PPIL3: variants seen among roughly 807,000 people sequenced by gnomAD.
PPIL3 encodes the protein peptidylprolyl isomerase like 3.
In PPIL3, 13 loss-of-function variants were observed where a neutral mutation model predicts 20.9. The observed-to-expected ratio is 0.62, with a 90% confidence interval of 0.40 to 0.99. The LOEUF is 0.99. PPIL3 is among the 50% of genes least tolerant of loss of function. PPIL3 has a pLI of 0.00. For missense variants in PPIL3, 170 were observed against 195.2 expected (o/e 0.87, Z 0.77); for synonymous variants, 71 against 64.4 (o/e 1.10, Z -0.49).
intron 5 of PPIL3, among the ~76,000 whole-genome samples, chr2:200,879,260 A>G (rs570289923): frequency 6.6e-6 from 1 of 152,136 alleles, no homozygotes; most frequent in East Asian, 1.9e-4. Context: ...CTGGGACTAC[A>G]GGCACCCACC....
intron 6 of PPIL3, among the ~76,000 whole-genome samples, chr2:200,876,251 A>C (rs180946414): frequency 1.5e-4 from 23 of 151,992 alleles, no homozygotes; most frequent in Non-Finnish European, 2.5e-4. Context: ...TTGAGGCTGC[A>C]ATGAGCCATG....
At chr2:200,885,317 G>A in intron 3 of PPIL3, 1 of 358,926 alleles carries the variant, frequency 2.8e-6, no homozygotes. Flanking sequence ...GTTGCAGTGA[G>A]CCGAGATCGC....
At chr2:200,888,826 C>A in intron 1 of PPIL3, 130 bp downstream of exon 1, 1 of 437,558 alleles carries the variant, frequency 2.3e-6, no homozygotes, top group Non-Finnish European at 4.8e-6. Flanking sequence ...TTCTTTTACT[C>A]TGACGTTGCA....
chr2:200,888,898 C>T (rs535377249), intron 1 of PPIL3, 58 bp downstream of exon 1: 5 of 471,000 alleles, frequency 1.1e-5, no homozygotes, highest in Non-Finnish European at 2.2e-5. Flanking sequence ...AGTAGCAACA[C>T]AGAACTCAGC....
intron 6 of PPIL3, among the ~76,000 whole-genome samples, chr2:200,872,562 T>C (rs2039346998): frequency 6.6e-6 from 1 of 152,078 alleles, no homozygotes; most frequent in Non-Finnish European, 1.5e-5. Flanking sequence ...CAACCAGCCC[T>C]CCATACTGAA....
intron 5 of PPIL3, among the ~76,000 whole-genome samples, chr2:200,880,598 C>T (rs957795659): frequency 4.6e-5 from 7 of 151,822 alleles, no homozygotes; most frequent in African/African-American, 1.7e-4. Flanking sequence ...GTTGCCCAGG[C>T]TGGTTTCAAA....
At chr2:200,878,210 C>T (rs967711449) in intron 5 of PPIL3, among the ~76,000 whole-genome samples, 5 of 152,028 alleles carry the variant, frequency 3.3e-5, no homozygotes, top group Admixed American at 6.6e-5. Context: ...AAAATAAGCA[C>T]CCATTAACAT....
At chr2:200,888,188 G>GC (rs1047220165) in intron 1 of PPIL3, 19 of 151,800 alleles carry the variant, frequency 1.3e-4, no homozygotes, top group Admixed American at 1.2e-3. Flanking sequence ...GAGCCTCCTT[G>GC]CAAGTCCCCC....
Position 200,889,049 on chromosome 2 carries a change from GT to G in PPIL3, c.-165del, listed in dbSNP as rs1195750565. The G allele has an allele frequency of 2.1e-6, 1 of 471,018 alleles. No homozygotes were observed. The highest frequency in any genetic ancestry group is 4.4e-6 in the Non-Finnish European group (1 of 227,062). The allele number at this position is 471,018 out of a possible 1,614,324, so 29.2% of individuals were successfully genotyped here. On this transcript the variant is annotated 5_prime_UTR_variant, in exon 1 of 7. Transcript: ENST00000392283. ...AGAGGTCTGTTGGTTCAAAATTATA[GT>G]TTCTTTGGGCCAGCGGAAGTTGGGC... is the stretch of plus-strand genomic sequence containing the variant.
At chr2:200,881,561 A>C in intron 4 of PPIL3, 73 bp from the exon 5 acceptor site, 1 of 1,290,600 alleles carries the variant, frequency 7.7e-7, no homozygotes, top group Non-Finnish European at 1.1e-6. Flanking sequence ...CCAAAACTTA[A>C]GGAATACTTT....
chr2:200,883,713 C>T lies in PPIL3; in HGVS notation c.79-1278G>A, dbSNP rs551444554. ...ATGAGGGTAAGGAATGTCTGTTGCT[C>T]ATCACTGTATCTCCAGACTCTGGGG... On this transcript the variant is annotated intron_variant, in intron 3 of 6. Coordinates refer to ENST00000392283, the MANE Select transcript of PPIL3 (RefSeq NM_130906.3). Among the ~76,000 whole-genome samples, 167 of 152,266 alleles carry T rather than the reference C, an allele frequency of 1.1e-3. 1 individual carries two copies. The highest frequency in any genetic ancestry group is 1.9e-3 in the Non-Finnish European group (132 of 68,016).
At chr2:200,885,240 G>T in intron 3 of PPIL3, 1 of 285,152 alleles carries the variant, frequency 3.5e-6, no homozygotes, top group Non-Finnish European at 6.4e-6. Context: ...GCATGGTGGC[G>T]CACGCCTGTA....
intron 5 of PPIL3, among the ~76,000 whole-genome samples, chr2:200,877,270 A>G (rs2039559167): frequency 6.6e-6 from 1 of 152,186 alleles, no homozygotes; most frequent in Non-Finnish European, 1.5e-5. Context: ...AAGACATTCA[A>G]TCTTTACCTT....
At chr2:200,889,168 C>A, upstream of PPIL3, 1 of 398,688 alleles carries the variant, frequency 2.5e-6, no homozygotes, top group Non-Finnish European at 5.0e-6. Flanking sequence ...GCAATTTATC[C>A]CCAACCGGAA....
intron 5 of PPIL3, among the ~76,000 whole-genome samples, chr2:200,879,923 A>T (rs1467515583): frequency 6.6e-6 from 1 of 152,232 alleles, no homozygotes; most frequent in Non-Finnish European, 1.5e-5. Flanking sequence ...GTAATAATTA[A>T]TACCTAAAAA....
chr2:200,873,100 T>C (rs2039374402), intron 6 of PPIL3, among the ~76,000 whole-genome samples: 1 of 151,986 alleles, frequency 6.6e-6, no homozygotes, highest in South Asian at 2.1e-4. Context: ...TGGCCTGACC[T>C]CAGGTGATCC....
At chr2:200,880,811 T>C (rs1228869662) in intron 5 of PPIL3, among the ~76,000 whole-genome samples, 1 of 151,450 alleles carries the variant, frequency 6.6e-6, no homozygotes, top group Non-Finnish European at 1.5e-5. Context: ...AAACTAGGCA[T>C]GCACTAATTT....
chr2:200,885,610 T>C, intron 3 of PPIL3, 88 bp downstream of exon 3: 2 of 854,294 alleles, frequency 2.3e-6, no homozygotes, highest in Non-Finnish European at 3.8e-6. Flanking sequence ...GAAAGTTTTG[T>C]TGTTGTTATT....
At chr2:200,873,803 T>TCAGATGTGGAATTTTCTA (rs1351057468) in intron 6 of PPIL3, among the ~76,000 whole-genome samples, 1 of 151,736 alleles carries the variant, frequency 6.6e-6, no homozygotes, top group Non-Finnish European at 1.5e-5. Context: ...TCACATGAGG[T>TCAGATGTGGAATTTTCTA]CAGATGTGGA....
Sources: allele counts gnomAD v4.1 joint callset (sites outside exome capture counted in the v4.1 genomes callset), GRCh38; gene constraint gnomAD v4.1.1; transcripts MANE v1.5; gene names NCBI Gene and HGNC (gene_info 2026-07-23, HGNC 2026-07-21).